The following FOXP2 variants were observed in gnomAD, a reference collection of about 807,000 sequenced individuals.
FOXP2 encodes the protein forkhead box P2.
Under a neutral mutation model 115.8 loss-of-function variants are expected in FOXP2, and 12 were observed. The observed-to-expected ratio is 0.10, with a 90% CI of 0.07 to 0.17. The LOEUF is 0.17. Ranked by LOEUF, FOXP2 falls within the 10% of genes least tolerant of loss-of-function variation. The pLI, the probability that FOXP2 is intolerant of heterozygous loss-of-function variation, is 1.00. For synonymous variants in FOXP2, 328 were observed against 297.7 expected, an observed-to-expected ratio of 1.10 and a Z score of -1.05; for missense variants, 629 against 843.5, an observed-to-expected ratio of 0.75 and a Z score of 3.15.
intron 2 of FOXP2, among the ~76,000 whole-genome samples, chr7:114,318,609 G>A (rs952020867): frequency 1.3e-5 from 2 of 151,542 alleles, no homozygotes; most frequent in African/African-American, 2.4e-5. Context: ...ACAATAAACA[G>A]TGCAGTTACT....
At chr7:114,379,115 A>G (rs533920968) in intron 2 of FOXP2, among the ~76,000 whole-genome samples, 107 of 152,218 alleles carry the variant, frequency 7.0e-4, no homozygotes, top group African/African-American at 2.5e-3. Context: ...ATAGAGTGAA[A>G]TAGAGTGAAA....
chr7:114,137,727 A>G (rs1401426747), intron 1 of FOXP2, among the ~76,000 whole-genome samples: 1 of 152,226 alleles, frequency 6.6e-6, no homozygotes. Context: ...GATAAGTAAG[A>G]GGAAGAGTCT....
chr7:114,268,340 G>C (rs1294431653), intron 1 of FOXP2, among the ~76,000 whole-genome samples: 2 of 152,144 alleles, frequency 1.3e-5, no homozygotes, highest in Non-Finnish European at 2.9e-5. Context: ...ATGTGATTAT[G>C]AGTATTTGTG....
intron 1 of FOXP2, among the ~76,000 whole-genome samples, chr7:114,189,245 T>G (rs772125550): frequency 3.3e-5 from 5 of 152,224 alleles, no homozygotes; most frequent in Non-Finnish European, 7.3e-5. Context: ...TTCTGTCATA[T>G]GTAACATTTA....
chr7:114,166,459 T>G (rs1417393419), intron 1 of FOXP2, among the ~76,000 whole-genome samples: 1 of 152,056 alleles, frequency 6.6e-6, no homozygotes, highest in Non-Finnish European at 1.5e-5. Context: ...ATCCCAACAC[T>G]TTGGGAGTTC....
intron 2 of FOXP2, among the ~76,000 whole-genome samples, chr7:114,340,036 A>C (rs1237175631): frequency 6.6e-6 from 1 of 151,266 alleles, no homozygotes; most frequent in Non-Finnish European, 1.5e-5. Flanking sequence ...TTTGACTTTA[A>C]ATAGCAACTG....
At chr7:114,139,711 T>TTTG (rs1194792961) in intron 1 of FOXP2, among the ~76,000 whole-genome samples, 1 of 152,186 alleles carries the variant, frequency 6.6e-6, no homozygotes, top group African/African-American at 2.4e-5. Flanking sequence ...TATTCCTCTT[T>TTTG]TTGTTGTTGT....
At chr7:114,231,569 G>A (rs965054653) in intron 1 of FOXP2, among the ~76,000 whole-genome samples, 2 of 152,090 alleles carry the variant, frequency 1.3e-5, no homozygotes, top group African/African-American at 4.8e-5. Flanking sequence ...AATAATGTAT[G>A]ATCTATTTGT....
At chr7:114,679,331 T>C (rs1259797935) in intron 16 of FOXP2, among the ~76,000 whole-genome samples, 2 of 152,172 alleles carry the variant, frequency 1.3e-5, no homozygotes, top group African/African-American at 4.8e-5. Flanking sequence ...ATTCTTCACT[T>C]CTTTCCATCA....
chr7:114,643,669 G>T (rs1297746084), intron 7 of FOXP2, among the ~76,000 whole-genome samples: 5 of 152,094 alleles, frequency 3.3e-5, no homozygotes, highest in African/African-American at 1.2e-4. Context: ...TAGGCATCTT[G>T]CTCTCTAATC....
rs150672158 is a variant in FOXP2, at chr7:114,140,454, T to C, written c.-246-22490T>C. ...TTCTTAATTTCCACATGGTGAGTAG[T>C]GATGGCCCCTAGTGAGGGTGTTGTT... On this transcript the variant is annotated intron_variant, in intron 1 of 19. Transcript: ENST00000635638. Among the ~76,000 whole-genome samples, 237 of 152,248 alleles carry C rather than the reference T, an allele frequency of 1.6e-3. 1 individual carries two copies. Among genetic ancestry groups the C allele is most frequent in the Non-Finnish European group, 2.1e-3 (145 of 68,014 alleles).
At chr7:114,631,833 G>A (rs568021085) in intron 6 of FOXP2, 128 bp downstream of exon 6, 25 of 918,514 alleles carry the variant, frequency 2.7e-5, no homozygotes, top group Admixed American at 2.1e-4. Flanking sequence ...AAACGTGATT[G>A]TTAACATGGT....
chr7:114,124,215 C>T (rs1791643394), intron 1 of FOXP2, among the ~76,000 whole-genome samples: 1 of 152,004 alleles, frequency 6.6e-6, no homozygotes, highest in African/African-American at 2.4e-5. Flanking sequence ...CCACATAACA[C>T]AGTTTGTCTT....
chr7:114,124,142 T>A (rs1180353320), intron 1 of FOXP2, among the ~76,000 whole-genome samples: 1 of 152,084 alleles, frequency 6.6e-6, no homozygotes, highest in Non-Finnish European at 1.5e-5. Flanking sequence ...AAAATGGTTA[T>A]TTGGAGATAT....
chr7:114,473,813 A>T (rs1261723690), intron 2 of FOXP2, among the ~76,000 whole-genome samples: 12 of 152,162 alleles, frequency 7.9e-5, no homozygotes, highest in Admixed American at 7.9e-4. Context: ...CTACTAATTT[A>T]CTTAAGCTTT....
At chr7:114,481,086 T>C (rs1201807951) in intron 2 of FOXP2, among the ~76,000 whole-genome samples, 1 of 151,302 alleles carries the variant, frequency 6.6e-6, no homozygotes, top group Non-Finnish European at 1.5e-5. Flanking sequence ...AAATCTAATT[T>C]TCTTTCCAAC....
intron 16 of FOXP2, among the ~76,000 whole-genome samples, chr7:114,686,740 T>C (rs940893796): frequency 2.6e-5 from 4 of 152,132 alleles, no homozygotes; most frequent in Admixed American, 6.6e-5. Context: ...GAAAATAAAA[T>C]CTAAAAATTT....
intron 3 of FOXP2, among the ~76,000 whole-genome samples, chr7:114,582,073 G>T (rs1381156102): frequency 6.6e-6 from 1 of 152,178 alleles, no homozygotes; most frequent in Non-Finnish European, 1.5e-5. Context: ...AGATCTTGGT[G>T]CAGGGGAGAT....
rs571361981 is a variant in FOXP2, at chr7:114,690,880, T to G, written c.*954T>G. 2.0e-5 allele frequency: 9 copies of G among 454,374 alleles called. No individual in the cohort carries two copies. Among genetic ancestry groups the G allele is most frequent in the African/African-American group, 1.8e-4 (9 of 49,998 alleles). 28.1% of individuals were successfully genotyped at this position (454,374 alleles called of 1,614,324 possible). ...CTACCTGCTGTTTTCTGATGACCTC[T>G]GGGATCTTTTCATTTAGCCCTAAAC... On this transcript the variant is annotated 3_prime_UTR_variant, in exon 17 of 17. Coordinates refer to ENST00000350908, the MANE Select transcript of FOXP2 (RefSeq NM_014491.4).
Sources: gnomAD v4.1 joint callset for allele counts (sites outside exome capture counted in the v4.1 genomes callset) on GRCh38, gnomAD v4.1.1 for gene constraint, MANE v1.5 for transcripts, NCBI Gene and HGNC (gene_info 2026-07-23, HGNC 2026-07-21) for gene names.